The following JAZF1 variants were observed in gnomAD, a reference collection of about 807,000 sequenced individuals.
JAZF1 encodes juxtaposed with another zinc finger protein 1.
A neutral mutation model predicts 26.4 loss-of-function variants in JAZF1; 8 were observed. That is an observed-to-expected ratio of 0.30 (90% CI 0.18 to 0.55). The LOEUF is 0.55. Among genes scored for constraint, JAZF1 ranks in the 20% least tolerant of loss-of-function variants. The pLI, the probability that JAZF1 is intolerant of heterozygous loss-of-function variation, is 0.94. For synonymous variants in JAZF1, 126 were observed against 122.3 expected, an observed-to-expected ratio of 1.03 and a Z score of -0.20; for missense variants, 199 against 322.0, an observed-to-expected ratio of 0.62 and a Z score of 2.92.
At chr7:28,002,046 G>A (rs887911800) in intron 1 of JAZF1, among the ~76,000 whole-genome samples, 2 of 152,198 alleles carry the variant, frequency 1.3e-5, no homozygotes, top group East Asian at 1.9e-4. Context: ...AAGACTCATG[G>A]TATAGATAGG....
At chr7:27,957,760 A>G (rs566170646) in intron 2 of JAZF1, among the ~76,000 whole-genome samples, 1 of 152,364 alleles carries the variant, frequency 6.6e-6, no homozygotes, top group South Asian at 2.1e-4. Flanking sequence ...AACAGAGTGC[A>G]CACATAGCTA....
At chr7:28,037,927 C>T (rs761727957) in intron 1 of JAZF1, among the ~76,000 whole-genome samples, 9 of 152,180 alleles carry the variant, frequency 5.9e-5, no homozygotes, top group Non-Finnish European at 1.3e-4. Flanking sequence ...ACTCACTTTT[C>T]TCTACTCTAG....
At position 27,966,917 on chromosome 7, in the gene JAZF1, C is replaced by T. The variant is rs560779368; in HGVS notation, c.188+24992G>A. 3.0e-3 allele frequency among the ~76,000 whole-genome samples: 450 copies of T among 152,152 alleles called. 3 individuals are homozygous for T. The highest frequency in any genetic ancestry group is 9.6e-3 in the African/African-American group (399 of 41,480). The stretch of plus-strand genomic sequence containing the variant: ...TTTCCAGCTGCTTCAACTTTAGACA[C>T]GAAAAGAAACTGATGGGGGCATCCA... On this transcript the variant is annotated intron_variant, in intron 2 of 4. Coordinates refer to ENST00000283928, the MANE Select transcript of JAZF1 (RefSeq NM_175061.4).
In JAZF1 at chr7:28,034,469, T is replaced by TACACACACACACACAC. The variant is rs59979673; in HGVS notation, c.116-42504_116-42489dup. Among the ~76,000 whole-genome samples, 763 of 145,376 alleles carry TACACACACACACACAC rather than the reference T, an allele frequency of 5.2e-3. 1 individual carries two copies. Among genetic ancestry groups the TACACACACACACACAC allele is most frequent in the Middle Eastern group, 0.024 (7 of 288 alleles). On this transcript the variant is annotated intron_variant, in intron 1 of 4. Transcript: ENST00000283928. ...TAATAAAAATATGAAAGAAAACTAATACACACACACACACACACACACACA... is the reference window on the plus strand; with the variant it reads ...TAATAAAAATATGAAAGAAAACTAATACACACACACACACACACACACACACACACACACACACACA...
intron 3 of JAZF1, chr7:27,846,509 G>A (rs985910408): frequency 4.2e-6 from 2 of 470,998 alleles, no homozygotes; most frequent in African/African-American, 4.0e-5. Context: ...GGGAGAACAT[G>A]AGAGTGCAGA....
intron 2 of JAZF1, among the ~76,000 whole-genome samples, chr7:27,980,911 C>G (rs751612739): frequency 6.6e-6 from 1 of 152,144 alleles, no homozygotes; most frequent in African/African-American, 2.4e-5. Context: ...TTTTAGTTAT[C>G]TTTCCACTAT....
chr7:27,871,229 T>C (rs557805068), intron 3 of JAZF1, among the ~76,000 whole-genome samples: 1 of 152,312 alleles, frequency 6.6e-6, no homozygotes, highest in East Asian at 1.9e-4. Context: ...ATTTTTCAAA[T>C]CAATCTTGAT....
At chr7:28,001,620 G>A (rs1786164273) in intron 1 of JAZF1, among the ~76,000 whole-genome samples, 1 of 152,228 alleles carries the variant, frequency 6.6e-6, no homozygotes, top group African/African-American at 2.4e-5. Context: ...ATAGAAAGGA[G>A]CAGGGGGTGG....
At chr7:27,918,420 T>A (rs1784478296) in intron 2 of JAZF1, among the ~76,000 whole-genome samples, 1 of 152,194 alleles carries the variant, frequency 6.6e-6, no homozygotes, top group African/African-American at 2.4e-5. Flanking sequence ...ATTTTATAAT[T>A]GCCCATATAT....
At chr7:27,887,299 G>C (rs946381015) in intron 3 of JAZF1, among the ~76,000 whole-genome samples, 1 of 152,130 alleles carries the variant, frequency 6.6e-6, no homozygotes, top group Non-Finnish European at 1.5e-5. Context: ...TACTTGCCTT[G>C]TGTCCCATCA....
At chr7:28,163,404 G>C (rs982795634) in intron 1 of JAZF1, among the ~76,000 whole-genome samples, 1 of 152,154 alleles carries the variant, frequency 6.6e-6, no homozygotes, top group Non-Finnish European at 1.5e-5. Context: ...AAGAGAAGGG[G>C]CACAGGAACA....
intron 1 of JAZF1, among the ~76,000 whole-genome samples, chr7:28,056,112 T>C (rs922837849): frequency 1.3e-4 from 19 of 151,848 alleles, no homozygotes; most frequent in African/African-American, 3.9e-4. Context: ...GTCTTCACAG[T>C]GCAGGGGCTC....
At chr7:28,006,855 T>G (rs35223871) in intron 1 of JAZF1, among the ~76,000 whole-genome samples, 3,627 of 152,342 alleles carry the variant, frequency 0.024, 67 homozygotes, top group Non-Finnish European at 0.033. Context: ...GCCTTTCCTT[T>G]GTATTTTAAC....
intron 1 of JAZF1, among the ~76,000 whole-genome samples, chr7:28,161,435 AG>A (rs1482600959): frequency 1.3e-5 from 2 of 152,188 alleles, no homozygotes; most frequent in Non-Finnish European, 2.9e-5. Flanking sequence ...TGAAGTGACT[AG>A]TCAAGGTCAC....
At chr7:27,938,987 T>G (rs894390659) in intron 2 of JAZF1, among the ~76,000 whole-genome samples, 24 of 152,106 alleles carry the variant, frequency 1.6e-4, no homozygotes, top group African/African-American at 5.8e-4. Flanking sequence ...TTCTGCCCCC[T>G]TCAGGGAGAA....
chr7:27,983,861 G>C (rs1221026824), intron 2 of JAZF1, among the ~76,000 whole-genome samples: 1 of 152,204 alleles, frequency 6.6e-6, no homozygotes. Flanking sequence ...AGCTTCATAA[G>C]TGAAGGAGAA....
chr7:27,846,054 C>T (rs1783025535), intron 3 of JAZF1, among the ~76,000 whole-genome samples: 1 of 152,156 alleles, frequency 6.6e-6, no homozygotes, highest in Non-Finnish European at 1.5e-5. Context: ...ACCACTACCA[C>T]AAAGCTCTCT....
chr7:28,108,039 G>C (rs1437461678), intron 1 of JAZF1, among the ~76,000 whole-genome samples: 3 of 152,172 alleles, frequency 2.0e-5, no homozygotes, highest in African/African-American at 7.2e-5. Flanking sequence ...TCAGACCTGG[G>C]GGGTGGGATG....
At chr7:28,147,348 C>G (rs1783042409) in intron 1 of JAZF1, among the ~76,000 whole-genome samples, 1 of 152,040 alleles carries the variant, frequency 6.6e-6, no homozygotes, top group Admixed American at 6.6e-5. Flanking sequence ...ACTATTTTCT[C>G]TTTTTATATA....
Sources: gnomAD v4.1 joint callset for allele counts (sites outside exome capture counted in the v4.1 genomes callset) on GRCh38, gnomAD v4.1.1 for gene constraint, MANE v1.5 for transcripts, NCBI Gene and HGNC (gene_info 2026-07-23, HGNC 2026-07-21) for gene names.